LRRC3B: variants seen among roughly 807,000 people sequenced by gnomAD.
LRRC3B encodes leucine rich repeat containing 3B.
In LRRC3B, 2 loss-of-function variants were observed where a neutral mutation model predicts 12.8. The ratio of observed to expected loss-of-function variants is 0.16; its 90% CI spans 0.06 to 0.49. LRRC3B has a LOEUF of 0.49. Among genes scored for constraint, LRRC3B ranks in the 20% least tolerant of loss-of-function variants. LRRC3B has a pLI of 0.96. For synonymous variants in LRRC3B, 132 were observed against 122.0 expected (o/e 1.08, Z -0.54); for missense variants, 189 against 319.4 (o/e 0.59, Z 3.11).
At chr3:26,661,041 A>G (rs1381354256) in intron 1 of LRRC3B, among the ~76,000 whole-genome samples, 2 of 152,194 alleles carry the variant, frequency 1.3e-5, no homozygotes. Flanking sequence ...TTTCTTAGAT[A>G]TTTGAACAAT....
chr3:26,691,513 A>T (rs1700194055), intron 1 of LRRC3B, among the ~76,000 whole-genome samples: 1 of 152,116 alleles, frequency 6.6e-6, no homozygotes, highest in African/African-American at 2.4e-5. Context: ...CAGATTTTTG[A>T]CTTCCTGATT....
At chr3:26,662,252 G>T (rs1344575189) in intron 1 of LRRC3B, among the ~76,000 whole-genome samples, 1 of 152,040 alleles carries the variant, frequency 6.6e-6, no homozygotes, top group African/African-American at 2.4e-5. Flanking sequence ...TAGACTCTCT[G>T]CCATGCCCAA....
chr3:26,640,291 T>C (rs541102858), intron 1 of LRRC3B, among the ~76,000 whole-genome samples: 8 of 152,284 alleles, frequency 5.3e-5, no homozygotes, highest in South Asian at 4.1e-4. Flanking sequence ...TCTTGTTCAA[T>C]TGAAGAATTC....
At chr3:26,642,140 A>T (rs540741384) in intron 1 of LRRC3B, among the ~76,000 whole-genome samples, 2 of 152,350 alleles carry the variant, frequency 1.3e-5, no homozygotes, top group South Asian at 4.1e-4. Flanking sequence ...ATCTGCTTCT[A>T]CATTCACTCT....
chr3:26,639,126 T>A (rs187536595), intron 1 of LRRC3B, among the ~76,000 whole-genome samples: 2 of 152,208 alleles, frequency 1.3e-5, no homozygotes, highest in African/African-American at 4.8e-5. Context: ...CACTGTTCAA[T>A]ACAAATATAA....
chr3:26,705,827 G>A (rs935927726), intron 1 of LRRC3B, among the ~76,000 whole-genome samples: 3 of 152,142 alleles, frequency 2.0e-5, no homozygotes, highest in African/African-American at 7.2e-5. Flanking sequence ...AACAGCCACT[G>A]TTGACCTAGC....
At chr3:26,626,249 C>T (rs890117010) in intron 1 of LRRC3B, among the ~76,000 whole-genome samples, 1 of 152,204 alleles carries the variant, frequency 6.6e-6, no homozygotes, top group African/African-American at 2.4e-5. Context: ...GACTTCTCTT[C>T]TGAACCTTTT....
intron 1 of LRRC3B, among the ~76,000 whole-genome samples, chr3:26,628,329 TAATC>T (rs1310563221): frequency 2.0e-5 from 3 of 149,358 alleles, no homozygotes; most frequent in East Asian, 4.0e-4. Context: ...TGAAAAAAAA[TAATC>T]AAGATTCGGA....
At chr3:26,648,088 T>C (rs1481378776) in intron 1 of LRRC3B, among the ~76,000 whole-genome samples, 1 of 151,940 alleles carries the variant, frequency 6.6e-6, no homozygotes, top group South Asian at 2.1e-4. Context: ...GTTTGGGGTT[T>C]TTTTTTTTCA....
intron 1 of LRRC3B, among the ~76,000 whole-genome samples, chr3:26,627,112 C>T (rs1430927919): frequency 6.6e-6 from 1 of 152,216 alleles, no homozygotes; most frequent in African/African-American, 2.4e-5. Context: ...TTGCCACTTC[C>T]TCGCCTACCT....
chr3:26,710,457 C>T, exon 2 of LRRC3B: 1 of 1,558,216 alleles, frequency 6.4e-7, no homozygotes, highest in Non-Finnish European at 8.7e-7. Flanking sequence ...GTATAGTGTC[C>T]AAACTGACTG....
chr3:26,704,981 A>G (rs1179821905), intron 1 of LRRC3B, among the ~76,000 whole-genome samples: 1 of 152,194 alleles, frequency 6.6e-6, no homozygotes, highest in African/African-American at 2.4e-5. Context: ...CTATAATTGG[A>G]AGAAACTGGT....
At chr3:26,656,966 C>T (rs1398395045) in intron 1 of LRRC3B, among the ~76,000 whole-genome samples, 1 of 152,192 alleles carries the variant, frequency 6.6e-6, no homozygotes, top group Non-Finnish European at 1.5e-5. Context: ...GCTATGCAAG[C>T]ACAACTTGGC....
chr3:26,686,957 G>A (rs185199208), intron 1 of LRRC3B, among the ~76,000 whole-genome samples: 164 of 152,284 alleles, frequency 1.1e-3, no homozygotes, highest in African/African-American at 3.8e-3. Flanking sequence ...GGAAGGCAAA[G>A]TGTCTCTCTG....
intron 1 of LRRC3B, among the ~76,000 whole-genome samples, chr3:26,655,454 C>A (rs1210723975): frequency 6.6e-6 from 1 of 152,176 alleles, no homozygotes; most frequent in Non-Finnish European, 1.5e-5. Context: ...CAAACTCGAG[C>A]CTTCCTACAA....
At chr3:26,668,491 C>T (rs1298441102) in intron 1 of LRRC3B, among the ~76,000 whole-genome samples, 1 of 152,068 alleles carries the variant, frequency 6.6e-6, no homozygotes, top group Non-Finnish European at 1.5e-5. Flanking sequence ...GTGGAATGCA[C>T]ATTTAGGTTT....
chr3:26,680,695 C>A (rs1325813044), intron 1 of LRRC3B, among the ~76,000 whole-genome samples: 1 of 152,152 alleles, frequency 6.6e-6, no homozygotes, highest in African/African-American at 2.4e-5. Context: ...ATAAAATATG[C>A]CAAGATTATT....
intron 1 of LRRC3B, among the ~76,000 whole-genome samples, chr3:26,634,935 G>A (rs752794311): frequency 7.9e-5 from 12 of 152,274 alleles, no homozygotes; most frequent in South Asian, 2.1e-4. Flanking sequence ...GAATGTTGGC[G>A]TTGTCTGATC....
chr3:26,661,143 C>G (rs1480943475), intron 1 of LRRC3B, among the ~76,000 whole-genome samples: 3 of 152,190 alleles, frequency 2.0e-5, no homozygotes, highest in Non-Finnish European at 4.4e-5. Context: ...TCTCCCCTAA[C>G]ACTTGCACAC....
Sources: gnomAD v4.1 joint callset for allele counts (sites outside exome capture counted in the v4.1 genomes callset) on GRCh38, gnomAD v4.1.1 for gene constraint, MANE v1.5 for transcripts, NCBI Gene and HGNC (gene_info 2026-07-23, HGNC 2026-07-21) for gene names.